The following FRAS1 variants were observed in gnomAD, a reference collection of about 807,000 sequenced individuals.
FRAS1 encodes Fraser extracellular matrix complex subunit 1.
Under a neutral mutation model 435.2 loss-of-function variants are expected in FRAS1, and 290 were observed. That is an observed-to-expected ratio of 0.67 (90% CI 0.61 to 0.73). The LOEUF is 0.73. Ranked by LOEUF, FRAS1 falls within the 30% of genes least tolerant of loss-of-function variation. FRAS1 has a pLI of 0.00. For synonymous variants in FRAS1, 1,800 were observed against 1,851.0 expected (o/e 0.97, Z 0.71); for missense variants, 4,860 against 5,001.5 (o/e 0.97, Z 0.85).
At chr4:78,129,931 C>T (rs758819270) in intron 2 of FRAS1, among the ~76,000 whole-genome samples, 4 of 152,152 alleles carry the variant, frequency 2.6e-5, no homozygotes, top group East Asian at 1.9e-4. Flanking sequence ...GTTGTTGCTG[C>T]CCCTGGCCCC....
At chr4:78,345,474 T>A (rs1343157261) in intron 20 of FRAS1, among the ~76,000 whole-genome samples, 1 of 152,190 alleles carries the variant, frequency 6.6e-6, no homozygotes, top group Non-Finnish European at 1.5e-5. Flanking sequence ...TTGGTTCTTA[T>A]CTCCTCTTTT....
intron 11 of FRAS1, among the ~76,000 whole-genome samples, chr4:78,281,661 C>T (rs1449036761): frequency 6.6e-6 from 1 of 152,170 alleles, no homozygotes; most frequent in Middle Eastern, 3.2e-3. Flanking sequence ...ACTTCTCTAA[C>T]CACAAGCTCC....
At chr4:78,440,131 C>T (rs1428483663) in intron 40 of FRAS1, among the ~76,000 whole-genome samples, 2 of 150,126 alleles carry the variant, frequency 1.3e-5, no homozygotes, top group East Asian at 3.9e-4. Flanking sequence ...CCCGGGTTCA[C>T]GCCATTCTCC....
intron 2 of FRAS1, among the ~76,000 whole-genome samples, chr4:78,068,226 G>A (rs1474724909): frequency 6.6e-6 from 1 of 152,100 alleles, no homozygotes; most frequent in African/African-American, 2.4e-5. Flanking sequence ...GGTGGGCTAT[G>A]GGGAAAAATA....
chr4:78,187,339 T>C (rs560160765), intron 2 of FRAS1, among the ~76,000 whole-genome samples: 6 of 152,228 alleles, frequency 3.9e-5, no homozygotes, highest in African/African-American at 1.4e-4. Flanking sequence ...GCTTTTCTAA[T>C]TGGGCGAGAT....
At chr4:78,176,385 C>G (rs1721778544) in intron 2 of FRAS1, among the ~76,000 whole-genome samples, 1 of 152,176 alleles carries the variant, frequency 6.6e-6, no homozygotes, top group African/African-American at 2.4e-5. Context: ...CAATTCCACC[C>G]ATTCCCATTG....
chr4:78,240,789 C>T (rs1724969244), intron 3 of FRAS1, among the ~76,000 whole-genome samples: 1 of 152,080 alleles, frequency 6.6e-6, no homozygotes, highest in South Asian at 2.1e-4. Context: ...GGAGCACAGT[C>T]ATTTAAGGGG....
intron 47 of FRAS1, among the ~76,000 whole-genome samples, chr4:78,460,050 G>A (rs1386460737): frequency 6.6e-6 from 1 of 152,128 alleles, no homozygotes; most frequent in Non-Finnish European, 1.5e-5. Context: ...CATCACAAGA[G>A]GCTTTTCAAA....
intron 14 of FRAS1, among the ~76,000 whole-genome samples, chr4:78,306,421 T>C (rs963950488): frequency 1.7e-4 from 22 of 129,802 alleles, no homozygotes; most frequent in African/African-American, 5.8e-4. Context: ...CCTTGCTAGA[T>C]TGGGGAAGTT....
intron 2 of FRAS1, among the ~76,000 whole-genome samples, chr4:78,120,820 C>G (rs1348891951): frequency 6.6e-6 from 1 of 152,154 alleles, no homozygotes; most frequent in Non-Finnish European, 1.5e-5. Flanking sequence ...GAATTAAAAT[C>G]TTGCTACAAG....
In FRAS1 at chr4:78,284,453, G is replaced by C. The variant is rs1446664252; in HGVS notation, c.1304G>C (p.Cys435Ser). 6.2e-7 allele frequency: 1 copy of C among 1,613,748 alleles called. No individual in the cohort carries two copies. Among genetic ancestry groups the C allele is most frequent in the Non-Finnish European group, 8.5e-7 (1 of 1,179,850 alleles). ...ACATGCTCTCAGTCTCCAGACCACTGTGACCTCTGCCAAGATCCTACCAAG... is the reference window on the plus strand; with the variant it reads ...ACATGCTCTCAGTCTCCAGACCACTCTGACCTCTGCCAAGATCCTACCAAG... Reference protein sequence around the residue: ...CLTCSQSPDHCDLCQDPTKLL... With the variant: ...CLTCSQSPDHSDLCQDPTKLL... Residue 435 changes from cysteine to serine, a missense_variant, in exon 13 of 74, where the codon TGT becomes TCT. Transcript: ENST00000512123.
At chr4:78,392,213 C>T (rs1462943957) in intron 29 of FRAS1, among the ~76,000 whole-genome samples, 1 of 152,054 alleles carries the variant, frequency 6.6e-6, no homozygotes, top group Non-Finnish European at 1.5e-5. Context: ...CCACACCACC[C>T]CACATGATTT....
rs748159035 is a variant in FRAS1 at position 78,522,753 on chromosome 4, G to A, written c.10753G>A (p.Ala3585Thr). 37 of 1,612,002 alleles carry A rather than the reference G, an allele frequency of 2.3e-5. No individual in the cohort carries two copies. The highest frequency in any genetic ancestry group is 1.9e-4 in the South Asian group (17 of 90,666). ...ATTTGACTTGCAGCTATTATGGAGC[G>A]CTCAGACTTTTGATTCTCCACATCA... ...IEFDLQLLWS[A>T]QTFDSPHQLW... is the part of the protein sequence containing the mutation. Residue 3585 changes from alanine to threonine, a missense_variant, in exon 69 of 74, where the codon GCT becomes ACT. By Grantham distance (58) the Ala-to-Thr change is moderately conservative. Coordinates refer to ENST00000512123, the MANE Select transcript of FRAS1 (RefSeq NM_025074.7).
chr4:78,468,989 G>C (rs1232715690), intron 50 of FRAS1, among the ~76,000 whole-genome samples: 2 of 152,108 alleles, frequency 1.3e-5, no homozygotes, highest in African/African-American at 4.8e-5. Flanking sequence ...ATGTCGGTGG[G>C]ATGGCTCTTG....
At chr4:78,139,683 A>G (rs1173246403) in intron 2 of FRAS1, among the ~76,000 whole-genome samples, 1 of 152,220 alleles carries the variant, frequency 6.6e-6, no homozygotes, top group African/African-American at 2.4e-5. Context: ...GCATTAGCAT[A>G]AATAGGATAA....
intron 2 of FRAS1, among the ~76,000 whole-genome samples, chr4:78,137,831 C>T (rs962546354): frequency 6.6e-6 from 1 of 152,198 alleles, no homozygotes; most frequent in Non-Finnish European, 1.5e-5. Flanking sequence ...CTCTATGCTT[C>T]TGAATTCTTA....
rs775538284 is a variant in FRAS1, at chr4:78,464,098, A to G, written c.6841A>G (p.Lys2281Glu). 1.2e-6 allele frequency: 2 copies of G among 1,613,724 alleles called. No homozygotes were observed. Among genetic ancestry groups the G allele is most frequent in the East Asian group, 2.2e-5 (1 of 44,880 alleles). Reference sequence around the variant, plus strand: ...GTATGTCCATTCTAGTGAGGCTGAGAAACATTCAGATGCCTTCAGCTTTAC... The same window carrying G: ...GTATGTCCATTCTAGTGAGGCTGAGGAACATTCAGATGCCTTCAGCTTTAC... Reference protein sequence around the residue: ...VQYVHSSEAEKHSDAFSFTLS... With the variant: ...VQYVHSSEAEEHSDAFSFTLS... The change falls in exon 48 of 74, where the codon AAA becomes GAA. Residue 2281 changes from lysine (K) to glutamate (E), a missense_variant. Physicochemically the swap from Lys to Glu is moderately conservative, Grantham distance 56 (BLOSUM62 1). Coordinates refer to ENST00000512123, the MANE Select transcript of FRAS1 (RefSeq NM_025074.7).
Position 78,066,087 on chromosome 4 carries a change from G to C in FRAS1, c.108+71G>C, listed in dbSNP as rs1400667975. 9 of 1,021,180 alleles carry C rather than the reference G, an allele frequency of 8.8e-6. No homozygotes were observed. In the South Asian group the frequency reaches 9.1e-5, roughly 10 times the overall value. The allele number at this position is 1,021,180 out of a possible 1,614,324, so 63.3% of individuals were successfully genotyped here. On this transcript the variant is annotated intron_variant, in intron 2 of 73. Coordinates refer to ENST00000512123, the MANE Select transcript of FRAS1 (RefSeq NM_025074.7). ...ATGCTTGATTGAAGTTCCTGAGTGA[G>C]TGAGTTGACCCTATCATTGTAGAAT...
chr4:78,140,711 G>A (rs112541070), intron 2 of FRAS1, among the ~76,000 whole-genome samples: 6,449 of 80,380 alleles, frequency 0.08, 237 homozygotes, highest in Admixed American at 0.13. Context: ...ATGCATATAC[G>A]TGTGTGTATA....
Sources: gnomAD v4.1 joint callset for allele counts (sites outside exome capture counted in the v4.1 genomes callset) on GRCh38, gnomAD v4.1.1 for gene constraint, MANE v1.5 for transcripts, NCBI Gene and HGNC (gene_info 2026-07-23, HGNC 2026-07-21) for gene names.